Variants in LZTFL1 observed in about 807,000 individuals in gnomAD.
LZTFL1 encodes the protein leucine zipper transcription factor like 1, also known as leucine zipper transcription factor-like protein 1.
Under a neutral mutation model 45.9 loss-of-function variants are expected in LZTFL1, and 25 were observed. The ratio of observed to expected loss-of-function variants is 0.54; its 90% CI spans 0.40 to 0.76. The LOEUF is 0.76. Among genes scored for constraint, LZTFL1 ranks in the 30% least tolerant of loss-of-function variants. The probability of loss-of-function intolerance (pLI) is 0.00; values close to 1 mark genes in which losing one functional copy is unlikely to be tolerated. For missense variants in LZTFL1, 277 were observed against 331.1 expected, an observed-to-expected ratio of 0.84 and a Z score of 1.27; for synonymous variants, 93 against 117.4, an observed-to-expected ratio of 0.79 and a Z score of 1.35.
intron 2 of LZTFL1, among the ~76,000 whole-genome samples, chr3:45,836,692 G>C (rs1200547962): frequency 6.6e-6 from 1 of 152,112 alleles, no homozygotes; most frequent in Admixed American, 6.5e-5. Context: ...CTCTTACATA[G>C]AGAATGCTTG....
chr3:45,891,149 C>A (rs1702168003), intron 2 of LZTFL1, among the ~76,000 whole-genome samples: 2 of 152,236 alleles, frequency 1.3e-5, no homozygotes, highest in South Asian at 4.1e-4. Context: ...TCCTGGCCCC[C>A]AGAGGGCTGC....
intron 2 of LZTFL1, chr3:45,894,848 TGG>T: frequency 8.2e-7 from 1 of 1,218,876 alleles, no homozygotes; most frequent in African/African-American, 1.5e-5. Flanking sequence ...TTTTGGCATT[TGG>T]TTGTTACTAT....
chr3:45,894,995 C>T, intron 2 of LZTFL1: 1 of 1,596,672 alleles, frequency 6.3e-7, no homozygotes, highest in South Asian at 1.1e-5. Context: ...AAAACACACA[C>T]TCATCTTCCC....
chr3:45,858,581 ATAAAC>A (rs769813378), intron 3 of LZTFL1, among the ~76,000 whole-genome samples: 35 of 152,248 alleles, frequency 2.3e-4, no homozygotes, highest in Admixed American at 6.5e-5. Flanking sequence ...CATATGCTCT[ATAAAC>A]TACAGAATGA....
At chr3:45,884,432 G>C (rs193184632) in intron 2 of LZTFL1, among the ~76,000 whole-genome samples, 3 of 152,078 alleles carry the variant, frequency 2.0e-5, no homozygotes, top group Admixed American at 2.0e-4. Flanking sequence ...TGCATCCCAG[G>C]AGAGGGCATG....
rs542463535 is a variant in LZTFL1 at position 45,851,477 on chromosome 3, G to A, written c.-49+3509C>T. Among the ~76,000 whole-genome samples the A allele has an allele frequency of 7.9e-5, 12 of 151,760 alleles. 1 individual carries two copies. In the South Asian group the frequency reaches 1.2e-3, roughly 16 times the overall value. On this transcript the variant is annotated intron_variant, in intron 4 of 4. Transcript: ENST00000472635. ...CCTGACCTCATGATCCGCCCGCCTCGGCCTCCCAAAGTGCTGGGATTAGAA... is the reference window on the plus strand; with the variant it reads ...CCTGACCTCATGATCCGCCCGCCTCAGCCTCCCAAAGTGCTGGGATTAGAA...
In LZTFL1 at chr3:45,873,932, G is replaced by C. The variant is rs532196718; in HGVS notation, c.-214-14916C>G. Among the ~76,000 whole-genome samples the C allele has an allele frequency of 2.6e-4, 40 of 152,252 alleles. No homozygotes were observed. In the South Asian group the frequency reaches 8.1e-3, roughly 31 times the overall value. ...TTGCTTCCCTATCACCATCAGTAGT[G>C]ATGGCTCCCTCTGCTTCCCTTTACC... On this transcript the variant is annotated intron_variant, in intron 2 of 4. Transcript: ENST00000472635.
chr3:45,832,151 G>T (rs1700841625), intron 5 of LZTFL1, among the ~76,000 whole-genome samples: 1 of 152,040 alleles, frequency 6.6e-6, no homozygotes, highest in Admixed American at 6.6e-5. Context: ...AACCCGGGAG[G>T]TGGAGCTTGG....
In LZTFL1 at chr3:45,866,673, C is replaced by T. The variant is rs564831872; in HGVS notation, c.-214-7657G>A. Among the ~76,000 whole-genome samples the T allele has an allele frequency of 3.3e-5, 5 of 152,272 alleles. No individual in the cohort carries two copies. In the South Asian group the frequency reaches 1.0e-3, roughly 32 times the overall value. ...CTTCACACCCTTCCACTGCCTGGAT[C>T]TACAGTAATTGATTTTAGACTTGGG... is the stretch of plus-strand genomic sequence containing the variant. On this transcript the variant is annotated intron_variant, in intron 2 of 4. Coordinates refer to the LZTFL1 transcript ENST00000472635.
intron 1 of LZTFL1, among the ~76,000 whole-genome samples, chr3:45,913,949 T>C (rs1164288119): frequency 6.6e-6 from 1 of 152,226 alleles, no homozygotes; most frequent in African/African-American, 2.4e-5. Flanking sequence ...AAAAAAGTTA[T>C]GGTTGTAAAC....
intron 2 of LZTFL1, among the ~76,000 whole-genome samples, chr3:45,882,797 CTATTATTAT>C (rs10575190): frequency 0.25 from 35,644 of 145,350 alleles, 4,846 homozygotes; most frequent in East Asian, 0.53. Flanking sequence ...AAAGGGGATA[CTATTATTAT>C]TATTATTATT....
intron 2 of LZTFL1, among the ~76,000 whole-genome samples, chr3:45,898,778 A>G (rs1419724212): frequency 6.6e-6 from 1 of 152,262 alleles, no homozygotes; most frequent in East Asian, 1.9e-4. Context: ...AACAGGTTCT[A>G]TGTTCCAATA....
intron 2 of LZTFL1, chr3:45,897,626 C>G (rs1250954949): frequency 6.5e-7 from 1 of 1,534,530 alleles, no homozygotes; most frequent in East Asian, 2.4e-5. Flanking sequence ...CCTTCCAGGA[C>G]CTTAGCCCAG....
At chr3:45,877,170 C>T (rs891426181) in intron 2 of LZTFL1, among the ~76,000 whole-genome samples, 1 of 152,062 alleles carries the variant, frequency 6.6e-6, no homozygotes, top group African/African-American at 2.4e-5. Flanking sequence ...ACTAAACAGA[C>T]CTCTTTCCAG....
At chr3:45,857,816 C>T (rs1193451807) in intron 3 of LZTFL1, among the ~76,000 whole-genome samples, 1 of 152,138 alleles carries the variant, frequency 6.6e-6, no homozygotes, top group Non-Finnish European at 1.5e-5. Context: ...GCCTCCCACT[C>T]CTTATTATCA....
chr3:45,853,356 G>A (rs1488020100), intron 4 of LZTFL1, among the ~76,000 whole-genome samples: 3 of 152,184 alleles, frequency 2.0e-5, no homozygotes, highest in Non-Finnish European at 2.9e-5. Flanking sequence ...TACACTAGGG[G>A]AAACATCTTT....
chr3:45,838,095 G>C, intron 1 of LZTFL1, 44 bp from the exon 2 acceptor site: 3 of 1,547,480 alleles, frequency 1.9e-6, no homozygotes, highest in Non-Finnish European at 2.6e-6. Flanking sequence ...TTGAAGATCT[G>C]ATCAAAGAGC....
intron 1 of LZTFL1, among the ~76,000 whole-genome samples, chr3:45,838,796 G>A (rs1430392898): frequency 4.6e-5 from 7 of 152,200 alleles, no homozygotes; most frequent in African/African-American, 1.4e-4. Flanking sequence ...GATTTACAAA[G>A]CAGTTTAGGT....
chr3:45,866,020 A>G (rs1407572432), intron 2 of LZTFL1, among the ~76,000 whole-genome samples: 1 of 152,250 alleles, frequency 6.6e-6, no homozygotes, highest in Non-Finnish European at 1.5e-5. Flanking sequence ...GCTGAGTGAA[A>G]GAAGCCAGAC....
Sources: allele counts gnomAD v4.1 joint callset (sites outside exome capture counted in the v4.1 genomes callset), GRCh38; gene constraint gnomAD v4.1.1; transcripts MANE v1.5; gene names NCBI Gene and HGNC (gene_info 2026-07-23, HGNC 2026-07-21).